The following GTF2IRD1 variants were observed in gnomAD, a reference collection of about 807,000 sequenced individuals.
The protein encoded by GTF2IRD1 is GTF2I repeat domain containing 1.
GTF2IRD1 carries 26 observed loss-of-function variants against 113.2 expected under a neutral mutation model. That is an observed-to-expected ratio of 0.23 (90% confidence interval 0.17 to 0.32). GTF2IRD1 has a LOEUF of 0.32. Among genes scored for constraint, GTF2IRD1 ranks in the 10% least tolerant of loss-of-function variants. GTF2IRD1 has a pLI of 1.00. For synonymous variants in GTF2IRD1, 484 were observed against 529.1 expected, an observed-to-expected ratio of 0.91 and a Z score of 1.17; for missense variants, 864 against 1,280.8, an observed-to-expected ratio of 0.67 and a Z score of 4.97.
intron 1 of GTF2IRD1, among the ~76,000 whole-genome samples, chr7:74,476,195 G>T (rs1056150499): frequency 6.6e-6 from 1 of 152,096 alleles, no homozygotes; most frequent in East Asian, 1.9e-4. Context: ...TGGCGTAGGT[G>T]TGGGCTGGTG....
intron 8 of GTF2IRD1, 110 bp downstream of exon 8, chr7:74,524,264 T>G: frequency 4.0e-4 from 182 of 450,924 alleles, no homozygotes; most frequent in East Asian, 8.4e-4. Flanking sequence ...ATATGCTGGC[T>G]CCCGCGCGCC....
intron 22 of GTF2IRD1, among the ~76,000 whole-genome samples, chr7:74,567,187 G>A (rs1444514512): frequency 6.6e-6 from 1 of 152,022 alleles, no homozygotes; most frequent in Non-Finnish European, 1.5e-5. Flanking sequence ...AATTCGCTGG[G>A]CATGGTGGCG....
At position 74,512,933 on chromosome 7, in the gene GTF2IRD1, C is replaced by A; in HGVS notation, c.227C>A (p.Ala76Asp). 6.2e-7 allele frequency: 1 copy of A among 1,614,070 alleles called. No individual in the cohort carries two copies. The highest frequency in any genetic ancestry group is 8.5e-7 in the Non-Finnish European group (1 of 1,179,958). Reference sequence around the variant, plus strand: ...GAGAAGGGGAGAATGTTCCTGAATGCCCGGAAGGAGCTACAGTCAGACTTC... The same window carrying A: ...GAGAAGGGGAGAATGTTCCTGAATGACCGGAAGGAGCTACAGTCAGACTTC... Reference protein sequence around the residue: ...GTEKGRMFLNARKELQSDFLR... With the variant: ...GTEKGRMFLNDRKELQSDFLR... Residue 76 changes from alanine (A) to aspartate (D), a missense_variant, in exon 3 of 27, where the codon GCC becomes GAC. Physicochemically the swap from Ala to Asp is moderately radical, Grantham distance 126. Transcript: ENST00000424337. This position sits in a 1 kb window ranked among gnomAD's most constrained non-coding sequence, Gnocchi z 4.4.
chr7:74,515,822 G>A (rs1796899928), intron 4 of GTF2IRD1, among the ~76,000 whole-genome samples: 1 of 152,134 alleles, frequency 6.6e-6, no homozygotes, highest in Non-Finnish European at 1.5e-5. Context: ...TCCCTGCCCT[G>A]GCTCAAGTCA....
chr7:74,466,270 G>T (rs1196798600), intron 1 of GTF2IRD1, among the ~76,000 whole-genome samples: 2 of 152,164 alleles, frequency 1.3e-5, no homozygotes, highest in Admixed American at 6.6e-5. Context: ...AGGTGTGTTT[G>T]ATGGCAGCCT....
chr7:74,465,459 T>TG (rs1220396560), intron 1 of GTF2IRD1, among the ~76,000 whole-genome samples: 1 of 152,176 alleles, frequency 6.6e-6, no homozygotes, highest in Non-Finnish European at 1.5e-5. Flanking sequence ...TGAGCTGCTG[T>TG]GTGACCACAG....
At chr7:74,454,763 A>G (rs1270575088) in intron 1 of GTF2IRD1, among the ~76,000 whole-genome samples, 1 of 151,948 alleles carries the variant, frequency 6.6e-6, no homozygotes, top group Non-Finnish European at 1.5e-5. Flanking sequence ...TCCCGGGTGG[A>G]GGGGACTCAG....
At position 74,462,977 on chromosome 7, in the gene GTF2IRD1, C is replaced by T. The variant is rs537166073; in HGVS notation, c.-7+8801C>T. Among the ~76,000 whole-genome samples, 37 of 152,300 alleles carry T rather than the reference C, an allele frequency of 2.4e-4. 1 individual carries two copies. Among genetic ancestry groups the T allele is most frequent in the Admixed American group, 2.4e-3 (36 of 15,296 alleles). ...GCCAGGGAGGGGAGCTGTCTGTGCC[C>T]TGGGGTGTCTTGCCCATCATCTTAT... On this transcript the variant is annotated intron_variant, in intron 1 of 26. Transcript: ENST00000424337.
At chr7:74,556,430 C>T (rs1461126905) in intron 19 of GTF2IRD1, among the ~76,000 whole-genome samples, 1 of 151,544 alleles carries the variant, frequency 6.6e-6, no homozygotes, top group Admixed American at 6.6e-5. Flanking sequence ...AAGCAATTCT[C>T]CTGCCTCAGG....
At chr7:74,536,971 C>T (rs1256531920) in intron 11 of GTF2IRD1, among the ~76,000 whole-genome samples, 3 of 151,502 alleles carry the variant, frequency 2.0e-5, no homozygotes, top group African/African-American at 7.3e-5. Flanking sequence ...GTTAGCTGGG[C>T]GTGGTGGCTG....
Position 74,515,471 on chromosome 7 carries a change from A to G in GTF2IRD1, c.296A>G (p.Glu99Gly). Residue 99 changes from glutamate to glycine, a missense_variant, in exon 4 of 27, where the codon GAG becomes GGG. Physicochemically the swap from Glu to Gly is moderately conservative, Grantham distance 98. Around this residue, in one of 7 missense-constraint regions of GTF2IRD1, gnomAD observed 182 missense variants for 266.6 expected, o/e 0.68. Coordinates refer to ENST00000424337, the MANE Select transcript of GTF2IRD1 (RefSeq NM_005685.4). ...RGPPWKDPEA[E>G]HPKKVQRGEG... ...CCCCCGTGGAAGGATCCGGAGGCAGAGCACCCCAAGAAGGTGCAGCGGGGC... is the reference window on the plus strand; with the variant it reads ...CCCCCGTGGAAGGATCCGGAGGCAGGGCACCCCAAGAAGGTGCAGCGGGGC... 6.2e-7 allele frequency: 1 copy of G among 1,605,664 alleles called. No homozygotes were observed. Among genetic ancestry groups the G allele is most frequent in the South Asian group, 1.1e-5 (1 of 89,904 alleles).
Position 74,538,929 on chromosome 7 carries a change from C to T in GTF2IRD1, c.1528+169C>T, listed in dbSNP as rs139690607. On this transcript the variant is annotated intron_variant, in intron 13 of 26. Transcript: ENST00000424337. Reference sequence around the variant, plus strand: ...TTTTTCTGGCCACATCTGTCCCCTGCGTTGTGAATCAGTGTTCTCAGCTCT... The same window carrying T: ...TTTTTCTGGCCACATCTGTCCCCTGTGTTGTGAATCAGTGTTCTCAGCTCT... Among the ~76,000 whole-genome samples, 29 of 152,318 alleles carry T rather than the reference C, an allele frequency of 1.9e-4. No homozygotes were observed. The South Asian group carries it at 2.1e-3, about 11-fold the overall frequency.
At chr7:74,519,323 G>A in intron 5 of GTF2IRD1, 86 bp from the exon 6 acceptor site, 1 of 893,026 alleles carries the variant, frequency 1.1e-6, no homozygotes, top group Non-Finnish European at 1.7e-6. Context: ...TTCTGCAGAG[G>A]GCAGGGATGC....
intron 22 of GTF2IRD1, among the ~76,000 whole-genome samples, chr7:74,569,100 TCC>T: frequency 6.6e-6 from 1 of 151,902 alleles, no homozygotes; most frequent in East Asian, 1.9e-4. Flanking sequence ...TTCCCCCAAC[TCC>T]CCTCCCAGAA....
rs562363558 is a variant in GTF2IRD1 at position 74,471,729 on chromosome 7, G to A, written c.-7+17553G>A. The stretch of plus-strand genomic sequence containing the variant: ...AAAAAAACGGCCGGGTGCGGTGGCT[G>A]ACGTCTGTAATCCCAACACTTTGGG... On this transcript the variant is annotated intron_variant, in intron 1 of 26. Transcript: ENST00000424337. Among the ~76,000 whole-genome samples, 19 of 150,004 alleles carry A rather than the reference G, an allele frequency of 1.3e-4. No individual in the cohort carries two copies. The East Asian group carries it at 3.5e-3, about 28-fold the overall frequency.
intron 1 of GTF2IRD1, among the ~76,000 whole-genome samples, chr7:74,484,190 A>G (rs1281710407): frequency 1.3e-5 from 2 of 152,242 alleles, no homozygotes; most frequent in African/African-American, 4.8e-5. Flanking sequence ...CGTAATGGCA[A>G]TGAACCTGGA....
chr7:74,525,282 GCCA>G (rs2130368546), intron 8 of GTF2IRD1, among the ~76,000 whole-genome samples: 1 of 152,286 alleles, frequency 6.6e-6, no homozygotes, highest in Admixed American at 6.5e-5. Flanking sequence ...CCCAGCCTGG[GCCA>G]GGTAGGCCTG....
chr7:74,572,636 G>T (rs1800760694), intron 22 of GTF2IRD1: 11 of 753,572 alleles, frequency 1.5e-5, no homozygotes, highest in Non-Finnish European at 1.8e-5. Flanking sequence ...TCACACACAG[G>T]CACACACCCT....
At chr7:74,477,868 G>A (rs1318756606) in intron 1 of GTF2IRD1, among the ~76,000 whole-genome samples, 2 of 152,172 alleles carry the variant, frequency 1.3e-5, no homozygotes, top group African/African-American at 2.4e-5. Context: ...GAAAAGGCCT[G>A]ATGTTCCTCA....
Sources: gnomAD v4.1 joint callset for allele counts (sites outside exome capture counted in the v4.1 genomes callset) on GRCh38, gnomAD v4.1.1 for gene constraint, gnomAD v4.1.1 regional missense constraint, Gnocchi (gnomAD v3.1) non-coding constraint, MANE v1.5 for transcripts, NCBI Gene and HGNC (gene_info 2026-07-23, HGNC 2026-07-21) for gene names.